Variants in GMDS observed in about 807,000 individuals in gnomAD.
The protein encoded by GMDS is GDP-mannose 4,6 dehydratase.
A neutral mutation model predicts 49.9 loss-of-function variants in GMDS; 20 were observed. The observed-to-expected ratio is 0.40, with a 90% CI of 0.28 to 0.58. The LOEUF is 0.58. Among genes scored for constraint, GMDS ranks in the 20% least tolerant of loss-of-function variants. The pLI, the probability that GMDS is intolerant of heterozygous loss-of-function variation, is 0.42. For missense variants in GMDS, 362 were observed against 481.4 expected (o/e 0.75, Z 2.32); for synonymous variants, 177 against 178.6 (o/e 0.99, Z 0.07).
intron 7 of GMDS, among the ~76,000 whole-genome samples, chr6:1,914,316 C>T (rs1293349090): frequency 3.3e-5 from 5 of 150,530 alleles, no homozygotes; most frequent in Admixed American, 6.6e-5. Context: ...GTTAGCCTGG[C>T]GTGGTGGTGG....
chr6:2,053,455 T>G (rs1175656630), intron 4 of GMDS, among the ~76,000 whole-genome samples: 1 of 152,092 alleles, frequency 6.6e-6, no homozygotes, highest in Non-Finnish European at 1.5e-5. Context: ...GAATGAGACA[T>G]TTCAAAATTA....
At chr6:1,725,620 A>T (rs2113439624) in intron 9 of GMDS, among the ~76,000 whole-genome samples, 1 of 152,216 alleles carries the variant, frequency 6.6e-6, no homozygotes, top group Admixed American at 6.5e-5. Flanking sequence ...TTTAGTAGAG[A>T]TGGGGTTTCA....
At chr6:2,104,833 A>T (rs1441123324) in intron 4 of GMDS, among the ~76,000 whole-genome samples, 2 of 152,220 alleles carry the variant, frequency 1.3e-5, no homozygotes, top group Non-Finnish European at 1.5e-5. Context: ...CAATAAGATA[A>T]ATTAATTTTT....
intron 1 of GMDS, among the ~76,000 whole-genome samples, chr6:2,171,483 A>G (rs1778003769): frequency 6.6e-6 from 1 of 152,230 alleles, no homozygotes. Flanking sequence ...GTTGATGATT[A>G]GATGCAATTA....
At chr6:1,929,301 G>A (rs1190366991) in intron 7 of GMDS, among the ~76,000 whole-genome samples, 1 of 152,202 alleles carries the variant, frequency 6.6e-6, no homozygotes, top group African/African-American at 2.4e-5. Flanking sequence ...GTGAGCACTT[G>A]AACAAGGACA....
rs149834245 is a variant in GMDS at position 1,811,670 on chromosome 6, C to A, written c.772-69084G>T. 1.6e-3 allele frequency among the ~76,000 whole-genome samples: 248 copies of A among 151,922 alleles called. 2 individuals are homozygous for A. The highest frequency in any genetic ancestry group is 3.7e-4 in the Non-Finnish European group (25 of 67,974). ...CATTTGAAACATCTACAGGCACAAC[C>A]TTCGTGCCTCACTGAAAGATGCAAA... On this transcript the variant is annotated intron_variant, in intron 7 of 10. Coordinates refer to ENST00000380815, the MANE Select transcript of GMDS (RefSeq NM_001500.4).
At chr6:2,238,222 C>CAA (rs58141924) in intron 1 of GMDS, among the ~76,000 whole-genome samples, 2 of 118,696 alleles carry the variant, frequency 1.7e-5, no homozygotes, top group Admixed American at 8.0e-5. Flanking sequence ...CCTGTCTCTA[C>CAA]AAAAAAAAAA....
intron 1 of GMDS, among the ~76,000 whole-genome samples, chr6:2,140,613 G>C (rs1776238278): frequency 6.6e-6 from 1 of 152,224 alleles, no homozygotes; most frequent in South Asian, 2.1e-4. Flanking sequence ...CAGAAAGAGA[G>C]AGCTGGTGGT....
intron 6 of GMDS, among the ~76,000 whole-genome samples, chr6:1,952,438 C>A (rs753080785): frequency 6.6e-6 from 1 of 151,992 alleles, no homozygotes; most frequent in Non-Finnish European, 1.5e-5. Flanking sequence ...AGCTAATGAG[C>A]GTGCATTTTT....
intron 4 of GMDS, among the ~76,000 whole-genome samples, chr6:2,044,130 C>T (rs1312248010): frequency 6.6e-6 from 1 of 152,150 alleles, no homozygotes; most frequent in Non-Finnish European, 1.5e-5. Flanking sequence ...ATAAATTGTT[C>T]AAACACTGTG....
intron 9 of GMDS, among the ~76,000 whole-genome samples, chr6:1,649,382 G>C (rs541674808): frequency 5.5e-4 from 84 of 152,306 alleles, no homozygotes; most frequent in Non-Finnish European, 9.8e-4. Flanking sequence ...ATTGAGGTCA[G>C]AATATCTGAT....
intron 1 of GMDS, among the ~76,000 whole-genome samples, chr6:2,146,540 T>C (rs1218289850): frequency 1.3e-5 from 2 of 152,238 alleles, no homozygotes; most frequent in African/African-American, 4.8e-5. Flanking sequence ...TGATCTCTAA[T>C]GACTCTTGTA....
intron 9 of GMDS, among the ~76,000 whole-genome samples, chr6:1,636,771 T>C (rs2113168529): frequency 6.6e-6 from 1 of 152,340 alleles, no homozygotes; most frequent in South Asian, 2.1e-4. Flanking sequence ...CCCGTACCAG[T>C]GGGCCCCGGA....
At chr6:2,153,283 G>A (rs182361890) in intron 1 of GMDS, among the ~76,000 whole-genome samples, 1 of 151,274 alleles carries the variant, frequency 6.6e-6, no homozygotes, top group Non-Finnish European at 1.5e-5. Flanking sequence ...CTAGACCAGG[G>A]AATATTTTAA....
At chr6:1,956,851 G>T (rs989029236) in intron 6 of GMDS, among the ~76,000 whole-genome samples, 1 of 149,648 alleles carries the variant, frequency 6.7e-6, no homozygotes, top group Non-Finnish European at 1.5e-5. Context: ...TCGCACTGTC[G>T]CCTGGGCTGG....
intron 9 of GMDS, among the ~76,000 whole-genome samples, chr6:1,721,255 G>A (rs367915155): frequency 8.5e-5 from 13 of 152,128 alleles, no homozygotes; most frequent in African/African-American, 2.9e-4. Flanking sequence ...ATGTTTTTAC[G>A]GGAGGAAGGT....
chr6:1,988,842 T>C (rs1322965130), intron 4 of GMDS, among the ~76,000 whole-genome samples: 1 of 151,686 alleles, frequency 6.6e-6, no homozygotes, highest in Admixed American at 6.6e-5. Context: ...GATAAATGGT[T>C]TGGAAAAAAA....
At chr6:2,185,705 C>T (rs143127129) in intron 1 of GMDS, among the ~76,000 whole-genome samples, 1 of 152,272 alleles carries the variant, frequency 6.6e-6, no homozygotes, top group East Asian at 1.9e-4. Flanking sequence ...CTAAATACTG[C>T]CACCCTAGGG....
chr6:2,158,898 T>C (rs1164329538), intron 1 of GMDS, among the ~76,000 whole-genome samples: 1 of 152,220 alleles, frequency 6.6e-6, no homozygotes, highest in Non-Finnish European at 1.5e-5. Flanking sequence ...AGTTCTTAGC[T>C]GTTTTTGACA....
Sources: allele counts gnomAD v4.1 joint callset (sites outside exome capture counted in the v4.1 genomes callset), GRCh38; gene constraint gnomAD v4.1.1; transcripts MANE v1.5; gene names NCBI Gene and HGNC (gene_info 2026-07-23, HGNC 2026-07-21).